The following SPON1 variants were observed in gnomAD, a reference collection of about 807,000 sequenced individuals.
SPON1 encodes the protein spondin-1.
Under a neutral mutation model 111.7 loss-of-function variants are expected in SPON1, and 52 were observed. That is an observed-to-expected ratio of 0.47 (90% confidence interval 0.37 to 0.59). SPON1 has a LOEUF of 0.59. SPON1 is among the 20% of genes least tolerant of loss of function. SPON1 has a pLI of 0.00. For synonymous variants in SPON1, 410 were observed against 395.8 expected, an observed-to-expected ratio of 1.04 and a Z score of -0.43; for missense variants, 957 against 1,068.5, an observed-to-expected ratio of 0.90 and a Z score of 1.46.
chr11:14,041,561 C>A lies in SPON1; in HGVS notation c.386C>A (p.Pro129His), dbSNP rs1417628044. 1.3e-5 allele frequency: 21 copies of A among 1,613,858 alleles called. No homozygotes were observed. The highest frequency in any genetic ancestry group is 1.8e-5 in the Non-Finnish European group (21 of 1,179,882). ...GAAACTCAGTTTATGAGCAATTGCC[C>A]TGTTGCAGTCACTGAAAGCACTCCA... ...EEETQFMSNCPVAVTESTPRR... is the reference protein window; with the variant it reads ...EEETQFMSNCHVAVTESTPRR... Residue 129 changes from proline (P) to histidine (H), a missense_variant, in exon 3 of 16, where the codon CCT becomes CAT. Physicochemically the swap from Pro to His is moderately conservative, Grantham distance 77 (BLOSUM62 -2). Around this residue, in one of 5 missense-constraint regions of SPON1, gnomAD observed 262 missense variants for 253.9 expected, o/e 1.03. Transcript: ENST00000576479.
At chr11:14,250,693 A>G (rs1393053249) in intron 7 of SPON1, among the ~76,000 whole-genome samples, 2 of 152,228 alleles carry the variant, frequency 1.3e-5, no homozygotes, top group African/African-American at 2.4e-5. Flanking sequence ...AACAAAATAT[A>G]TCTTGGAAGA....
chr11:13,981,331 T>C (rs1182508156), intron 1 of SPON1, among the ~76,000 whole-genome samples: 3 of 152,108 alleles, frequency 2.0e-5, no homozygotes, highest in Non-Finnish European at 4.4e-5. Context: ...TTGTTGCTTT[T>C]GTTTTTGTTT....
chr11:14,194,749 T>C (rs756901674), intron 6 of SPON1, among the ~76,000 whole-genome samples: 73 of 152,228 alleles, frequency 4.8e-4, no homozygotes, highest in Non-Finnish European at 8.5e-4. Context: ...AGTAAAGGGA[T>C]TCTTCTAAAA....
At chr11:14,024,864 A>G (rs1195088657) in intron 2 of SPON1, among the ~76,000 whole-genome samples, 2 of 152,220 alleles carry the variant, frequency 1.3e-5, no homozygotes, top group African/African-American at 4.8e-5. Flanking sequence ...CTGGCATAAC[A>G]GCTGGAGTTG....
At chr11:14,232,271 G>A (rs554591455) in intron 6 of SPON1, among the ~76,000 whole-genome samples, 2 of 152,126 alleles carry the variant, frequency 1.3e-5, no homozygotes, top group South Asian at 4.2e-4. Flanking sequence ...ACACTGTGTA[G>A]CTGTTATGTC....
chr11:14,155,770 G>A lies in SPON1; in HGVS notation c.825+20202G>A, dbSNP rs186754385. 9.8e-3 allele frequency among the ~76,000 whole-genome samples: 1,227 copies of A among 125,336 alleles called. 127 individuals are homozygous for A. Among genetic ancestry groups the A allele is most frequent in the African/African-American group, 0.032 (1,137 of 35,520 alleles). The allele number at this position is 125,336 out of a possible 152,430, so 82.2% of individuals were successfully genotyped here. A position where few individuals can be genotyped will look rare whatever the true frequency, so the allele number is the denominator to read the frequency against. ...GTGGTGTTTGGTTTTTTGTTCTTGC[G>A]ATAGTTTACTGAGAATAATGATTTC... is the stretch of plus-strand genomic sequence containing the variant. On this transcript the variant is annotated intron_variant, in intron 6 of 15. Transcript: ENST00000576479.
At position 13,977,680 on chromosome 11, in the gene SPON1, A is replaced by G. The variant is rs139592799; in HGVS notation, c.239-5167A>G. On this transcript the variant is annotated intron_variant, in intron 1 of 15. Transcript: ENST00000576479. ...ATCTTTTGATGAGCAAAAGTTTGAT[A>G]TCACCCCATTTATATATCTTCTCCT... Among the ~76,000 whole-genome samples, 263 of 151,748 alleles carry G rather than the reference A, an allele frequency of 1.7e-3. 1 individual carries two copies. The highest frequency in any genetic ancestry group is 5.6e-3 in the African/African-American group (232 of 41,394).
intron 2 of SPON1, among the ~76,000 whole-genome samples, chr11:13,998,572 G>T (rs1554912090): frequency 6.6e-6 from 1 of 152,164 alleles, no homozygotes; most frequent in African/African-American, 2.4e-5. Context: ...CGCTCACTGT[G>T]TTACCCTGAT....
chr11:14,079,634 G>A (rs557152843), intron 4 of SPON1, among the ~76,000 whole-genome samples: 2 of 151,680 alleles, frequency 1.3e-5, no homozygotes, highest in Non-Finnish European at 2.9e-5. Context: ...AAATATTCTC[G>A]AATAGCCTAT....
intron 5 of SPON1, among the ~76,000 whole-genome samples, chr11:14,087,932 G>T (rs1379999781): frequency 6.6e-6 from 1 of 152,118 alleles, no homozygotes; most frequent in South Asian, 2.1e-4. Flanking sequence ...TTGGTTTAAA[G>T]TCTGTTTTAT....
intron 4 of SPON1, among the ~76,000 whole-genome samples, chr11:14,077,783 C>A (rs962838468): frequency 3.3e-5 from 5 of 151,314 alleles, no homozygotes; most frequent in Non-Finnish European, 5.9e-5. Context: ...CCGTGCCCGG[C>A]CCTGCATACA....
intron 5 of SPON1, among the ~76,000 whole-genome samples, chr11:14,085,102 C>T (rs1391510265): frequency 6.6e-6 from 1 of 152,052 alleles, no homozygotes; most frequent in Non-Finnish European, 1.5e-5. Context: ...GTTGCCTGTT[C>T]GCTGTGATGC....
intron 6 of SPON1, among the ~76,000 whole-genome samples, chr11:14,168,704 A>G (rs1373101657): frequency 2.4e-5 from 3 of 125,480 alleles, no homozygotes; most frequent in African/African-American, 9.4e-5. Context: ...TCCTGTGTCC[A>G]TGTGTTCTCA....
intron 2 of SPON1, among the ~76,000 whole-genome samples, chr11:14,026,387 A>G (rs1209028527): frequency 6.6e-6 from 1 of 152,242 alleles, no homozygotes; most frequent in Non-Finnish European, 1.5e-5. Flanking sequence ...CCAAGGGTGT[A>G]AGGAAGTTCA....
intron 5 of SPON1, among the ~76,000 whole-genome samples, chr11:14,099,624 T>C (rs1849128048): frequency 6.6e-6 from 1 of 152,226 alleles, no homozygotes; most frequent in South Asian, 2.1e-4. Flanking sequence ...AATTTCTAAG[T>C]AGTCAGAGAG....
At chr11:14,230,982 T>C (rs1848795784) in intron 6 of SPON1, among the ~76,000 whole-genome samples, 1 of 151,804 alleles carries the variant, frequency 6.6e-6, no homozygotes, top group Non-Finnish European at 1.5e-5. Context: ...TTATGTTTTA[T>C]TTGTATTATT....
At chr11:14,111,618 A>G (rs1426800984) in intron 5 of SPON1, among the ~76,000 whole-genome samples, 5 of 152,184 alleles carry the variant, frequency 3.3e-5, no homozygotes, top group African/African-American at 1.2e-4. Context: ...TTGAAAATAT[A>G]CCCTGAAGAA....
intron 1 of SPON1, 69 bp downstream of exon 1, chr11:13,963,211 GC>G (rs1847989117): frequency 8.0e-7 from 1 of 1,246,446 alleles, no homozygotes; most frequent in African/African-American, 1.6e-5. Context: ...ACCTCGCGGT[GC>G]CGGAGGAGGG....
At chr11:14,048,658 G>C (rs1848686783) in intron 3 of SPON1, among the ~76,000 whole-genome samples, 1 of 152,118 alleles carries the variant, frequency 6.6e-6, no homozygotes. Flanking sequence ...AGTTTCCCTG[G>C]CATATGCTAC....
Sources: allele counts gnomAD v4.1 joint callset (sites outside exome capture counted in the v4.1 genomes callset), GRCh38; gene constraint gnomAD v4.1.1; regional missense constraint gnomAD v4.1.1; transcripts MANE v1.5; gene names NCBI Gene and HGNC (gene_info 2026-07-23, HGNC 2026-07-21).